The following TAS2R1 variants were observed in gnomAD, a reference collection of about 807,000 sequenced individuals.
TAS2R1 encodes taste receptor type 2 member 1.
For synonymous variants in TAS2R1, 141 were observed against 134.2 expected (o/e 1.05, Z -0.35); for missense variants, 370 against 353.4 (o/e 1.05, Z -0.38).
chr5:9,725,503 C>T, the TAS2R1 span, among the ~76,000 whole-genome samples: 99 of 152,308 alleles, frequency 6.5e-4, no homozygotes, highest in Non-Finnish European at 1.2e-3. Context: ...CCAGCAGTGC[C>T]GGCCTACCGG....
chr5:9,754,940 A>T, the TAS2R1 span, among the ~76,000 whole-genome samples: 2 of 152,246 alleles, frequency 1.3e-5, no homozygotes, highest in South Asian at 4.1e-4. Context: ...TGCCAAGTCA[A>T]TCCTAAGCCA....
At chr5:9,731,028 A>G in the TAS2R1 span, among the ~76,000 whole-genome samples, 1 of 152,036 alleles carries the variant, frequency 6.6e-6, no homozygotes, top group Non-Finnish European at 1.5e-5. Context: ...GCAGTGTGAA[A>G]ACAGACTAAT....
At chr5:9,764,591 C>T in the TAS2R1 span, among the ~76,000 whole-genome samples, 1 of 152,158 alleles carries the variant, frequency 6.6e-6, no homozygotes, top group African/African-American at 2.4e-5. Flanking sequence ...AATGTGTTCA[C>T]TAACAAGTAG....
At chr5:9,746,524 C>T in the TAS2R1 span, among the ~76,000 whole-genome samples, 1 of 152,126 alleles carries the variant, frequency 6.6e-6, no homozygotes, top group Admixed American at 6.5e-5. Flanking sequence ...CCCAAATGCC[C>T]ATCAATGATA....
the TAS2R1 span, among the ~76,000 whole-genome samples, chr5:9,741,341 T>C: frequency 6.6e-6 from 1 of 152,124 alleles, no homozygotes; most frequent in Admixed American, 6.5e-5. Flanking sequence ...AGCTGGTCAA[T>C]GGGACCCGCT....
At chr5:9,788,892 T>C in the TAS2R1 span, among the ~76,000 whole-genome samples, 4 of 151,130 alleles carry the variant, frequency 2.6e-5, no homozygotes, top group Admixed American at 6.6e-5. Flanking sequence ...AAAACAAAAA[T>C]AGAAGAATGG....
At chr5:9,896,744 AAGTCCT>A in the TAS2R1 span, among the ~76,000 whole-genome samples, 1 of 152,194 alleles carries the variant, frequency 6.6e-6, no homozygotes, top group Non-Finnish European at 1.5e-5. Flanking sequence ...CCTATATTCT[AAGTCCT>A]TGCAAGGCAA....
the TAS2R1 span, among the ~76,000 whole-genome samples, chr5:9,845,005 A>C: frequency 3.9e-5 from 6 of 152,302 alleles, no homozygotes; most frequent in African/African-American, 1.4e-4. Flanking sequence ...AATGTTTCCA[A>C]ACCTATTTCC....
the TAS2R1 span, among the ~76,000 whole-genome samples, chr5:9,794,546 A>C: frequency 1.3e-5 from 2 of 152,222 alleles, no homozygotes; most frequent in East Asian, 1.9e-4. Flanking sequence ...AAAATTACTA[A>C]ATTTATTATT....
the TAS2R1 span, among the ~76,000 whole-genome samples, chr5:9,854,019 T>G: frequency 1.3e-5 from 2 of 152,230 alleles, no homozygotes; most frequent in Non-Finnish European, 2.9e-5. Context: ...CAAAACTAGA[T>G]GGCTTAAACA....
chr5:9,632,112 G>A (rs1215948925), upstream of TAS2R1, among the ~76,000 whole-genome samples: 1 of 152,172 alleles, frequency 6.6e-6, no homozygotes, highest in Non-Finnish European at 1.5e-5. Context: ...ATAATACTGT[G>A]CATTAAATTC....
the TAS2R1 span, among the ~76,000 whole-genome samples, chr5:9,779,631 T>A: frequency 6.6e-6 from 1 of 152,244 alleles, no homozygotes; most frequent in Non-Finnish European, 1.5e-5. Flanking sequence ...ACATTTGATG[T>A]CTTATATGCA....
intron 2 of TAS2R1, among the ~76,000 whole-genome samples, chr5:9,646,230 C>T (rs1462553370): frequency 6.6e-6 from 1 of 152,056 alleles, no homozygotes; most frequent in Admixed American, 6.6e-5. Context: ...TTTCCCTATA[C>T]ATTTAGTTAT....
chr5:9,712,207 C>T (rs1233723503), upstream of TAS2R1: 1 of 152,026 alleles, frequency 6.6e-6, no homozygotes, highest in East Asian at 1.9e-4. Flanking sequence ...GTTTATTATC[C>T]CAGGTCTACA....
intron 1 of TAS2R1, among the ~76,000 whole-genome samples, chr5:9,680,047 A>C (rs1740964243): frequency 1.3e-5 from 2 of 152,212 alleles, no homozygotes; most frequent in Non-Finnish European, 2.9e-5. Flanking sequence ...GAAGTGTTTA[A>C]AGGAAAACCC....
intron 1 of TAS2R1, among the ~76,000 whole-genome samples, chr5:9,692,521 G>A (rs1158451931): frequency 1.7e-4 from 26 of 152,320 alleles, no homozygotes; most frequent in African/African-American, 2.4e-5. Context: ...TTATTTCCCT[G>A]TTAAGATGTT....
the TAS2R1 span, among the ~76,000 whole-genome samples, chr5:9,872,956 AT>A: frequency 6.6e-6 from 1 of 152,202 alleles, no homozygotes; most frequent in East Asian, 1.9e-4. Flanking sequence ...AATTGCAATC[AT>A]TTTTTTGAGG....
the TAS2R1 span, among the ~76,000 whole-genome samples, chr5:9,896,691 C>A: frequency 6.6e-6 from 1 of 152,210 alleles, no homozygotes; most frequent in East Asian, 1.9e-4. Context: ...ATCCACTTTG[C>A]CATGCCTGTT....
chr5:9,726,514 T>A, the TAS2R1 span, among the ~76,000 whole-genome samples: 1 of 152,148 alleles, frequency 6.6e-6, no homozygotes, highest in African/African-American at 2.4e-5. Context: ...TTGCTGCTGC[T>A]CACTCTTTGG....
Sources: allele counts gnomAD v4.1 joint callset (sites outside exome capture counted in the v4.1 genomes callset), GRCh38; gene constraint gnomAD v4.1.1; transcripts MANE v1.5; gene names NCBI Gene and HGNC (gene_info 2026-07-23, HGNC 2026-07-21).